Variants in EEA1 observed in about 807,000 individuals in gnomAD.
EEA1 encodes the protein early endosome antigen 1.
A neutral mutation model predicts 209.2 loss-of-function variants in EEA1; 111 were observed. The ratio of observed to expected loss-of-function variants is 0.53; its 90% confidence interval spans 0.45 to 0.62. The LOEUF (loss-of-function observed/expected upper bound fraction) is 0.62, where lower values mean the gene tolerates loss of function less well. Among genes scored for constraint, EEA1 ranks in the 20% least tolerant of loss-of-function variants. The pLI is 0.00. For synonymous variants in EEA1, 536 were observed against 540.6 expected (o/e 0.99, Z 0.12); for missense variants, 1,343 against 1,530.8 (o/e 0.88, Z 2.05).
intron 10 of EEA1, among the ~76,000 whole-genome samples, chr12:92,840,671 A>T (rs550704260): frequency 5.3e-5 from 8 of 152,360 alleles, no homozygotes; most frequent in Middle Eastern, 6.8e-3. Context: ...AATACAAAAC[A>T]AAGTTGAAGG....
rs1419855197 is a variant in EEA1 at position 92,864,228 on chromosome 12, T to G, written c.245+632A>C. Among the ~76,000 whole-genome samples, 4 of 151,454 alleles carry G rather than the reference T, an allele frequency of 2.6e-5. No individual in the cohort carries two copies. The East Asian group carries it at 7.7e-4, about 29-fold the overall frequency. The stretch of plus-strand genomic sequence containing the variant: ...TACAGCAGATTAATCAACCAGTAAG[T>G]TTTTTTTTAGGAAAGCATAAAAATA... On this transcript the variant is annotated intron_variant, in intron 3 of 28. Coordinates refer to ENST00000322349, the MANE Select transcript of EEA1 (RefSeq NM_003566.4).
intron 27 of EEA1, 143 bp from the exon 28 acceptor site, chr12:92,777,085 G>T (rs1873687584): frequency 1.5e-6 from 1 of 681,930 alleles, no homozygotes; most frequent in Non-Finnish European, 2.4e-6. Flanking sequence ...AAATACACTG[G>T]TCAGCTTCTA....
chr12:92,923,711 T>C (rs1208562744), intron 1 of EEA1, among the ~76,000 whole-genome samples: 1 of 151,918 alleles, frequency 6.6e-6, no homozygotes. Context: ...TATTTATCTG[T>C]CTCCTCCATT....
At chr12:92,871,993 G>A (rs970649107) in intron 2 of EEA1, among the ~76,000 whole-genome samples, 1 of 151,682 alleles carries the variant, frequency 6.6e-6, no homozygotes, top group Non-Finnish European at 1.5e-5. Context: ...GGGTTCTTGT[G>A]CCTCAGCCTC....
intron 20 of EEA1, 149 bp from the exon 21 acceptor site, chr12:92,799,235 AG>A: frequency 1.6e-6 from 1 of 613,048 alleles, no homozygotes; most frequent in East Asian, 3.2e-5. Flanking sequence ...GCACTACTCT[AG>A]GAAGAAATTA....
At chr12:92,828,380 T>C (rs1876421408) in intron 11 of EEA1, among the ~76,000 whole-genome samples, 1 of 152,018 alleles carries the variant, frequency 6.6e-6, no homozygotes, top group South Asian at 2.1e-4. Flanking sequence ...AAGAATAAAA[T>C]ACAACTTAAA....
At chr12:92,828,150 C>CA (rs1876410765) in intron 11 of EEA1, 89 bp from the exon 12 acceptor site, 1 of 1,047,494 alleles carries the variant, frequency 9.5e-7, no homozygotes, top group Admixed American at 3.5e-5. Flanking sequence ...TACTTTTCAC[C>CA]AAAATAAGTA....
At chr12:92,841,691 C>T (rs567169930) in intron 10 of EEA1, among the ~76,000 whole-genome samples, 204 of 152,178 alleles carry the variant, frequency 1.3e-3, no homozygotes, top group African/African-American at 4.8e-3. Context: ...CCACCCTATA[C>T]CCATTAAGAT....
chr12:92,785,576 G>A (rs1221850976), intron 22 of EEA1, among the ~76,000 whole-genome samples: 1 of 151,998 alleles, frequency 6.6e-6, no homozygotes, highest in African/African-American at 2.4e-5. Context: ...TTCTTAAGTA[G>A]TTCATACACT....
chr12:92,888,356 G>A (rs777885828), intron 2 of EEA1, among the ~76,000 whole-genome samples: 2 of 152,100 alleles, frequency 1.3e-5, no homozygotes, highest in African/African-American at 2.4e-5. Context: ...CGAAGCAAGT[G>A]GACCACAAGG....
chr12:92,851,768 G>A (rs763670443), intron 8 of EEA1, among the ~76,000 whole-genome samples: 3 of 152,068 alleles, frequency 2.0e-5, no homozygotes, highest in Non-Finnish European at 4.4e-5. Context: ...TCCAATAACA[G>A]AAATACAGTA....
chr12:92,792,029 T>A (rs1874425318), intron 21 of EEA1, among the ~76,000 whole-genome samples: 1 of 152,106 alleles, frequency 6.6e-6, no homozygotes, highest in African/African-American at 2.4e-5. Flanking sequence ...GACTACTGGG[T>A]AAATAACAAA....
Position 92,832,611 on chromosome 12 carries a change from C to G in EEA1, c.1155G>C (p.Glu385Asp), listed in dbSNP as rs1396691784. 3 of 1,613,926 alleles carry G rather than the reference C, an allele frequency of 1.9e-6. No individual in the cohort carries two copies. The highest frequency in any genetic ancestry group is 2.2e-5 in the South Asian group (2 of 91,070). The change falls in exon 11 of 29, where the codon GAG becomes GAC. Residue 385 changes from glutamate to aspartate, a missense_variant. Around this residue, in one of 3 missense-constraint regions of EEA1, gnomAD observed 1,307 missense variants for 1,465.5 expected, o/e 0.89. Coordinates refer to ENST00000322349, the MANE Select transcript of EEA1 (RefSeq NM_003566.4). The stretch of plus-strand genomic sequence containing the variant: ...CCGCCTTTAGATGCTGGTACTTGGT[C>G]TCTACCTCAGATAATTCTTCTTTGA... ...QKLKEELSEV[E>D]TKYQHLKAEF...
chr12:92,813,297 AAAT>A (rs1875612504), intron 15 of EEA1, among the ~76,000 whole-genome samples: 1 of 152,208 alleles, frequency 6.6e-6, no homozygotes, highest in Admixed American at 6.5e-5. Flanking sequence ...AATGCTGGAT[AAAT>A]AATAAAAAGA....
At chr12:92,909,061 C>T (rs1383623253) in intron 1 of EEA1, among the ~76,000 whole-genome samples, 2 of 152,182 alleles carry the variant, frequency 1.3e-5, no homozygotes, top group African/African-American at 4.8e-5. Flanking sequence ...CTGCCTGCCT[C>T]GGCCTCCCAA....
chr12:92,888,848 T>C (rs1371045551), intron 2 of EEA1, among the ~76,000 whole-genome samples: 7 of 151,982 alleles, frequency 4.6e-5, no homozygotes, highest in African/African-American at 1.7e-4. Flanking sequence ...ATTATGTATG[T>C]TACAAAAGAA....
At chr12:92,877,874 G>A (rs968712968) in intron 2 of EEA1, among the ~76,000 whole-genome samples, 6 of 152,242 alleles carry the variant, frequency 3.9e-5, no homozygotes, top group East Asian at 3.9e-4. Flanking sequence ...AAGATATAAT[G>A]GAATTTATTT....
At chr12:92,879,592 T>C (rs1008905524) in intron 2 of EEA1, among the ~76,000 whole-genome samples, 2 of 151,678 alleles carry the variant, frequency 1.3e-5, no homozygotes, top group African/African-American at 2.4e-5. Context: ...GGAAAAGCTC[T>C]CAGAAAACTA....
intron 1 of EEA1, among the ~76,000 whole-genome samples, chr12:92,914,637 G>A (rs865996758): frequency 3.3e-5 from 5 of 151,812 alleles, no homozygotes; most frequent in African/African-American, 9.7e-5. Flanking sequence ...CCATCCCCTG[G>A]GCAACATAAC....
Sources: gnomAD v4.1 joint callset for allele counts (sites outside exome capture counted in the v4.1 genomes callset) on GRCh38, gnomAD v4.1.1 for gene constraint, gnomAD v4.1.1 regional missense constraint, MANE v1.5 for transcripts, NCBI Gene and HGNC (gene_info 2026-07-23, HGNC 2026-07-21) for gene names.